Variants in COL11A1 observed in about 807,000 individuals in gnomAD.
COL11A1 encodes collagen type XI alpha 1 chain.
A neutral mutation model predicts 265.2 loss-of-function variants in COL11A1; 74 were observed. The ratio of observed to expected loss-of-function variants is 0.28; its 90% CI spans 0.23 to 0.34. The LOEUF (loss-of-function observed/expected upper bound fraction) is 0.34, where lower values mean the gene tolerates loss of function less well. COL11A1 is among the 10% of genes least tolerant of loss of function. The pLI, the probability that COL11A1 is intolerant of heterozygous loss-of-function variation, is 1.00. For synonymous variants in COL11A1, 816 were observed against 727.6 expected, an observed-to-expected ratio of 1.12 and a Z score of -1.96; for missense variants, 2,165 against 2,263.6, an observed-to-expected ratio of 0.96 and a Z score of 0.88.
chr1:102,878,816 T>C (rs557347458), intron 66 of COL11A1, among the ~76,000 whole-genome samples: 1 of 151,938 alleles, frequency 6.6e-6, no homozygotes, highest in Non-Finnish European at 1.5e-5. Context: ...GCCCCTCCAG[T>C]ATAAATAATA....
intron 1 of COL11A1, among the ~76,000 whole-genome samples, chr1:103,089,372 T>C (rs1171825897): frequency 6.6e-6 from 1 of 152,192 alleles, no homozygotes; most frequent in Non-Finnish European, 1.5e-5. Flanking sequence ...CAGTGTCTTG[T>C]ATTTCCCCTT....
chr1:102,961,830 C>A (rs747062350), intron 41 of COL11A1, 36 bp downstream of exon 41: 1 of 1,590,118 alleles, frequency 6.3e-7, no homozygotes, highest in South Asian at 1.1e-5. Flanking sequence ...AATTCACAAC[C>A]ATGATTGTCT....
intron 64 of COL11A1, among the ~76,000 whole-genome samples, chr1:102,882,519 C>T (rs1267987435): frequency 6.6e-6 from 1 of 152,180 alleles, no homozygotes; most frequent in African/African-American, 2.4e-5. Context: ...CCATTAGTCA[C>T]ACATAAAGCT....
At chr1:102,883,441 T>C (rs1193906830) in intron 63 of COL11A1, 130 bp from the exon 64 acceptor site, 1 of 688,834 alleles carries the variant, frequency 1.5e-6, no homozygotes, top group Admixed American at 2.1e-5. Flanking sequence ...CTTTTAAGCT[T>C]TTGGGCATAT....
chr1:102,957,357 A>C (rs914840741), intron 41 of COL11A1, among the ~76,000 whole-genome samples: 2 of 152,078 alleles, frequency 1.3e-5, no homozygotes, highest in Admixed American at 1.3e-4. Context: ...AAACTTTGCA[A>C]ATATCACTGT....
chr1:102,932,397 CTT>C (rs1657579921), intron 46 of COL11A1, among the ~76,000 whole-genome samples: 1 of 152,206 alleles, frequency 6.6e-6, no homozygotes, highest in Admixed American at 6.5e-5. Flanking sequence ...AAATTCTTTT[CTT>C]TAAGATGTTG....
In COL11A1 at chr1:103,031,149, C is replaced by G. The variant is rs1199504042; in HGVS notation, c.747G>C (p.Lys249Asn). The G allele has an allele frequency of 1.9e-6, 3 of 1,613,010 alleles. No individual in the cohort carries two copies. The highest frequency in any genetic ancestry group is 2.5e-6 in the Non-Finnish European group (3 of 1,179,586). ...YSPDCDSSAPKAAQAQEPQID... is the reference protein window; with the variant it reads ...YSPDCDSSAPNAAQAQEPQID... ...TCTGAGGTTCCTGAGCTTGAGCAGC[C>G]TTGGGTGCTGAAGAGTCACAGTCTG... The change falls in exon 5 of 67, where the codon AAG becomes AAC. Residue 249 changes from lysine (K) to asparagine (N), a missense_variant. By Grantham distance (94) the Lys-to-Asn change is moderately conservative (BLOSUM62 0). Transcript: ENST00000370096.
chr1:103,025,399 A>T, intron 7 of COL11A1, 122 bp downstream of exon 7: 1 of 754,782 alleles, frequency 1.3e-6, no homozygotes, highest in Non-Finnish European at 2.3e-6. Context: ...CTCTTACTTT[A>T]GTAAAAGAAT....
At chr1:103,040,594 C>T (rs1303186503) in intron 4 of COL11A1, among the ~76,000 whole-genome samples, 2 of 151,474 alleles carry the variant, frequency 1.3e-5, no homozygotes, top group African/African-American at 4.8e-5. Flanking sequence ...AATGTTACCA[C>T]AGTTTGATCC....
At chr1:102,960,929 TGAATCAAAAGATAA>T (rs936920175) in intron 41 of COL11A1, among the ~76,000 whole-genome samples, 2 of 151,696 alleles carry the variant, frequency 1.3e-5, no homozygotes, top group African/African-American at 4.8e-5. Flanking sequence ...GATAAGAAAA[TGAATCAAAAGATAA>T]GATGTTATTA....
Position 103,031,216 on chromosome 1 carries a change from C to T in COL11A1, c.680G>A (p.Gly227Asp). The T allele has an allele frequency of 1.2e-6, 2 of 1,603,804 alleles. No individual in the cohort carries two copies. Among genetic ancestry groups the T allele is most frequent in the Middle Eastern group, 1.7e-4 (1 of 6,042 alleles). Residue 227 changes from glycine (G) to aspartate (D), a missense_variant, in exon 5 of 67, where the codon GGT (glycine) becomes GAT (aspartate). Physicochemically the swap from Gly to Asp is moderately conservative, Grantham distance 94. Transcript: ENST00000370096. ...EGDIQQFLITGDPKAAYDYCE... is the reference protein window; with the variant it reads ...EGDIQQFLITDDPKAAYDYCE... Reference sequence around the variant, plus strand: ...GTAGTCATATGCTGCCTTGGGATCACCTGTGATCAAAAACTGCTGAATGTC... The same window carrying T: ...GTAGTCATATGCTGCCTTGGGATCATCTGTGATCAAAAACTGCTGAATGTC...
intron 14 of COL11A1, among the ~76,000 whole-genome samples, chr1:103,011,524 G>A (rs1258766814): frequency 4.0e-5 from 6 of 151,672 alleles, no homozygotes; most frequent in Admixed American, 1.3e-4. Flanking sequence ...TAAAATCTTC[G>A]ATAAAATACA....
At chr1:102,970,601 A>G (rs1216352233) in intron 36 of COL11A1, among the ~76,000 whole-genome samples, 1 of 152,186 alleles carries the variant, frequency 6.6e-6, no homozygotes, top group Non-Finnish European at 1.5e-5. Flanking sequence ...TTAGCACTTC[A>G]CAAATGAGTA....
At chr1:102,913,251 AG>A (rs1254684226) in intron 53 of COL11A1, among the ~76,000 whole-genome samples, 2 of 152,182 alleles carry the variant, frequency 1.3e-5, no homozygotes, top group Admixed American at 1.3e-4. Context: ...GAGTTCATTT[AG>A]GTTCACAATT....
At chr1:102,907,023 A>G (rs541122439) in intron 54 of COL11A1, among the ~76,000 whole-genome samples, 48 of 152,298 alleles carry the variant, frequency 3.2e-4, no homozygotes, top group African/African-American at 1.0e-3. Flanking sequence ...ATTGTGTTAA[A>G]TGGTTTTCAG....
chr1:103,006,034 A>T (rs369854717), intron 17 of COL11A1, 34 bp downstream of exon 17: 24 of 1,612,722 alleles, frequency 1.5e-5, no homozygotes, highest in Admixed American at 3.3e-5. Flanking sequence ...GAACTGACAC[A>T]GGATGTGAAT....
rs550962389 is a variant in COL11A1 at position 102,909,905 on chromosome 1, T to C, written c.4086+2254A>G. ...AACACAAATATATTTTAAAAATATG[T>C]TATAATAAAGAATAAAAATTTGCTG... On this transcript the variant is annotated intron_variant, in intron 54 of 66. Transcript: ENST00000370096. 4.9e-4 allele frequency among the ~76,000 whole-genome samples: 74 copies of C among 152,098 alleles called. 1 individual carries two copies. The highest frequency in any genetic ancestry group is 3.3e-3 in the South Asian group (16 of 4,820).
At chr1:103,106,674 T>C (rs753311250) in intron 1 of COL11A1, among the ~76,000 whole-genome samples, 11 of 152,300 alleles carry the variant, frequency 7.2e-5, no homozygotes, top group Non-Finnish European at 1.5e-4. Context: ...ATAACTCCTT[T>C]CAAAATTCAA....
intron 46 of COL11A1, 93 bp downstream of exon 46, chr1:102,934,353 GAAA>G: frequency 1.1e-6 from 1 of 873,640 alleles, no homozygotes; most frequent in Non-Finnish European, 1.9e-6. Flanking sequence ...TTCTTACGTA[GAAA>G]AAAAGAAAAA....
Sources: gnomAD v4.1 joint callset for allele counts (sites outside exome capture counted in the v4.1 genomes callset) on GRCh38, gnomAD v4.1.1 for gene constraint, MANE v1.5 for transcripts, NCBI Gene and HGNC (gene_info 2026-07-23, HGNC 2026-07-21) for gene names.